SCAI: variants seen among roughly 807,000 people sequenced by gnomAD.
The protein encoded by SCAI is protein SCAI.
In SCAI, 24 loss-of-function variants were observed where a neutral mutation model predicts 92.2. The ratio of observed to expected loss-of-function variants is 0.26; its 90% CI spans 0.19 to 0.37. The LOEUF (loss-of-function observed/expected upper bound fraction) is 0.37, where lower values mean the gene tolerates loss of function less well. Among genes scored for constraint, SCAI ranks in the 10% least tolerant of loss-of-function variants. SCAI has a pLI of 1.00. For synonymous variants in SCAI, 261 were observed against 258.6 expected, an observed-to-expected ratio of 1.01 and a Z score of -0.09; for missense variants, 450 against 736.2, an observed-to-expected ratio of 0.61 and a Z score of 4.50.
At chr9:125,096,870 T>C (rs1834563826) in intron 2 of SCAI, among the ~76,000 whole-genome samples, 1 of 152,254 alleles carries the variant, frequency 6.6e-6, no homozygotes, top group South Asian at 2.1e-4. Flanking sequence ...CTGGCCTTAT[T>C]CACTTAAAGT....
At chr9:125,064,217 C>G (rs1833834398) in intron 2 of SCAI, among the ~76,000 whole-genome samples, 1 of 151,926 alleles carries the variant, frequency 6.6e-6, no homozygotes, top group Non-Finnish European at 1.5e-5. Context: ...AAAAAAAAGA[C>G]TAACGATAGT....
chr9:125,041,676 C>T (rs1446831335), intron 3 of SCAI, among the ~76,000 whole-genome samples: 1 of 152,142 alleles, frequency 6.6e-6, no homozygotes, highest in Non-Finnish European at 1.5e-5. Flanking sequence ...ATCTAAAATG[C>T]TATACTAGGG....
intron 14 of SCAI, among the ~76,000 whole-genome samples, chr9:124,993,566 G>A (rs1037539510): frequency 5.9e-5 from 9 of 152,142 alleles, no homozygotes; most frequent in Admixed American, 5.2e-4. Flanking sequence ...CTCCAACCTG[G>A]GAAACGAGCG....
chr9:124,961,085 C>T (rs1324302338), intron 17 of SCAI, among the ~76,000 whole-genome samples: 1 of 151,024 alleles, frequency 6.6e-6, no homozygotes, highest in East Asian at 1.9e-4. Flanking sequence ...AATTGCATCC[C>T]TGTACTCCAA....
intron 9 of SCAI, among the ~76,000 whole-genome samples, chr9:125,012,843 T>G (rs1832668870): frequency 6.6e-6 from 1 of 152,114 alleles, no homozygotes; most frequent in African/African-American, 2.4e-5. Context: ...CAGACCACAG[T>G]GCAATCAAAC....
intron 2 of SCAI, among the ~76,000 whole-genome samples, chr9:125,071,662 A>G (rs1833981862): frequency 6.6e-6 from 1 of 152,192 alleles, no homozygotes; most frequent in Non-Finnish European, 1.5e-5. Flanking sequence ...ACACACAATT[A>G]CACAAATTCC....
chr9:125,002,079 A>C, intron 11 of SCAI, 36 bp from the exon 12 acceptor site: 4 of 1,306,764 alleles, frequency 3.1e-6, no homozygotes, highest in Non-Finnish European at 4.4e-6. Context: ...CAAAACAACA[A>C]ACAAGGATAA....
At chr9:125,022,049 G>C (rs1832880061) in intron 6 of SCAI, among the ~76,000 whole-genome samples, 1 of 151,842 alleles carries the variant, frequency 6.6e-6, no homozygotes, top group Non-Finnish European at 1.5e-5. Flanking sequence ...CATATATACT[G>C]TTGCACACAA....
At chr9:125,109,068 C>G (rs1834878561) in intron 2 of SCAI, among the ~76,000 whole-genome samples, 1 of 152,120 alleles carries the variant, frequency 6.6e-6, no homozygotes, top group Non-Finnish European at 1.5e-5. Context: ...CCCCAACCCG[C>G]TGCTCTCTGA....
intron 2 of SCAI, among the ~76,000 whole-genome samples, chr9:125,134,625 T>G (rs910355779): frequency 1.3e-5 from 2 of 152,342 alleles, no homozygotes; most frequent in East Asian, 3.9e-4. Flanking sequence ...TTAACAGACA[T>G]ATTGGACTCT....
chr9:125,118,475 C>A (rs1835095462), intron 2 of SCAI, among the ~76,000 whole-genome samples: 1 of 151,920 alleles, frequency 6.6e-6, no homozygotes, highest in South Asian at 2.1e-4. Flanking sequence ...TATGATCCTG[C>A]CACTGCATTC....
intron 3 of SCAI, among the ~76,000 whole-genome samples, chr9:125,044,648 A>T (rs1186131414): frequency 1.3e-5 from 2 of 152,120 alleles, no homozygotes; most frequent in Non-Finnish European, 2.9e-5. Flanking sequence ...GGACCTGGCA[A>T]ATTCTGGTAC....
At chr9:125,029,493 T>A (rs1564385033) in intron 4 of SCAI, 151 bp downstream of exon 4, 3 of 483,772 alleles carry the variant, frequency 6.2e-6, no homozygotes, top group Non-Finnish European at 1.1e-5. Context: ...AGATGAAATA[T>A]GTTATTTTAA....
intron 14 of SCAI, among the ~76,000 whole-genome samples, chr9:124,983,751 C>T (rs1045309352): frequency 6.6e-6 from 1 of 152,218 alleles, no homozygotes; most frequent in African/African-American, 2.4e-5. Context: ...CAGAAGGTGA[C>T]AAGTGCTACA....
chr9:125,069,615 GTCTTT>G (rs992021055), intron 2 of SCAI, among the ~76,000 whole-genome samples: 2 of 140,770 alleles, frequency 1.4e-5, no homozygotes, highest in Admixed American at 7.3e-5. Flanking sequence ...ATTGCACCCG[GTCTTT>G]TTTTTTTTTT....
chr9:124,946,777 A>G lies in SCAI; in HGVS notation c.*6030T>C, dbSNP rs1186282782. On this transcript the variant is annotated 3_prime_UTR_variant, in exon 18 of 18. Transcript: ENST00000336505. The surrounding 1 kb of genome is among the most constrained non-coding windows in gnomAD (Gnocchi z 4.0). ...TAAAAACTCTACTTCATGTGCGAAT[A>G]TATCATCAACTTGCAGAACACAAGT... 1 of 152,216 alleles carries G rather than the reference A, an allele frequency of 6.6e-6. No homozygotes were observed. Among genetic ancestry groups the G allele is most frequent in the African/African-American group, 2.4e-5 (1 of 41,454 alleles). 9.4% of individuals were successfully genotyped at this position (152,216 alleles called of 1,614,324 possible).
At chr9:124,991,576 T>C (rs891363953) in intron 14 of SCAI, among the ~76,000 whole-genome samples, 1 of 151,978 alleles carries the variant, frequency 6.6e-6, no homozygotes, top group Non-Finnish European at 1.5e-5. Context: ...TGGTGGCTCA[T>C]GCCTGTAATC....
intron 15 of SCAI, among the ~76,000 whole-genome samples, chr9:124,975,822 A>G (rs1831743343): frequency 6.6e-6 from 1 of 152,176 alleles, no homozygotes; most frequent in Non-Finnish European, 1.5e-5. Flanking sequence ...AATCAAAACA[A>G]ACACCTATAA....
chr9:125,031,870 C>A, intron 3 of SCAI, among the ~76,000 whole-genome samples: 1 of 151,732 alleles, frequency 6.6e-6, no homozygotes. Context: ...GTACAATGAC[C>A]CCTAGGTACC....
Sources: gnomAD v4.1 joint callset for allele counts (sites outside exome capture counted in the v4.1 genomes callset) on GRCh38, gnomAD v4.1.1 for gene constraint, Gnocchi (gnomAD v3.1) non-coding constraint, MANE v1.5 for transcripts, NCBI Gene and HGNC (gene_info 2026-07-23, HGNC 2026-07-21) for gene names.